Variants in ANK3 observed in about 807,000 individuals in gnomAD.
ANK3 encodes the protein ankyrin 3.
ANK3 carries 57 observed loss-of-function variants against 370.9 expected under a neutral mutation model. The observed-to-expected ratio is 0.15, with a 90% CI of 0.12 to 0.19. ANK3 has a LOEUF of 0.19. Among genes scored for constraint, ANK3 ranks in the 10% least tolerant of loss-of-function variants. The pLI is 1.00. For missense variants in ANK3, 4,439 were observed against 5,302.1 expected (o/e 0.84, Z 5.06); for synonymous variants, 1,929 against 1,946.3 (o/e 0.99, Z 0.23).
At chr10:60,450,846 C>T (rs2064582094) in intron 2 of ANK3, among the ~76,000 whole-genome samples, 1 of 152,194 alleles carries the variant, frequency 6.6e-6, no homozygotes, top group African/African-American at 2.4e-5. Flanking sequence ...CTCACTTTTT[C>T]CTAATACAGA....
intron 2 of ANK3, among the ~76,000 whole-genome samples, chr10:60,570,597 G>C (rs1190225414): frequency 6.6e-6 from 1 of 152,152 alleles, no homozygotes; most frequent in Non-Finnish European, 1.5e-5. Flanking sequence ...TGTGGGTACA[G>C]GTTAGACTGG....
At chr10:60,562,498 C>A (rs992649277) in intron 2 of ANK3, among the ~76,000 whole-genome samples, 1 of 152,172 alleles carries the variant, frequency 6.6e-6, no homozygotes, top group Non-Finnish European at 1.5e-5. Flanking sequence ...ACTGCAACCT[C>A]TGCCTTCCAG....
chr10:60,461,071 T>C (rs898633206), intron 2 of ANK3, among the ~76,000 whole-genome samples: 4 of 152,210 alleles, frequency 2.6e-5, no homozygotes, highest in African/African-American at 9.6e-5. Flanking sequence ...CATTTTCAAC[T>C]AAGCGTGAAT....
At chr10:60,382,029 G>A (rs1331710853) in intron 1 of ANK3, among the ~76,000 whole-genome samples, 1 of 152,034 alleles carries the variant, frequency 6.6e-6, no homozygotes, top group Non-Finnish European at 1.5e-5. Context: ...TTCTTTCACT[G>A]TATAGATGTC....
chr10:60,249,342 C>T (rs2097607667), intron 7 of ANK3, among the ~76,000 whole-genome samples: 2 of 152,270 alleles, frequency 1.3e-5, no homozygotes, highest in East Asian at 1.9e-4. Flanking sequence ...AAAAGTCCAT[C>T]CCCTTTTGTT....
intron 1 of ANK3, among the ~76,000 whole-genome samples, chr10:60,668,397 A>C (rs746791809): frequency 1.3e-5 from 2 of 151,512 alleles, no homozygotes; most frequent in Non-Finnish European, 2.9e-5. Flanking sequence ...ATAGTACTTA[A>C]GGGGCACAGC....
chr10:60,199,861 G>C (rs2096646289), intron 13 of ANK3, among the ~76,000 whole-genome samples: 1 of 152,290 alleles, frequency 6.6e-6, no homozygotes, highest in Admixed American at 6.5e-5. Context: ...TCTAGATTCA[G>C]TCCCCAATCT....
At chr10:60,478,015 A>G (rs2075117265) in intron 2 of ANK3, among the ~76,000 whole-genome samples, 1 of 152,070 alleles carries the variant, frequency 6.6e-6, no homozygotes, top group Non-Finnish European at 1.5e-5. Flanking sequence ...ATCATTACCC[A>G]CTAAGTGAGA....
chr10:60,051,785 ATGTGTGTGTG>A (rs5785428), intron 42 of ANK3, among the ~76,000 whole-genome samples: 3 of 148,270 alleles, frequency 2.0e-5, no homozygotes, highest in East Asian at 2.0e-4. Flanking sequence ...TACTCTGTGC[ATGTGTGTGTG>A]TGTGTGTGTG....
At chr10:60,460,533 C>T (rs1017120120) in intron 2 of ANK3, among the ~76,000 whole-genome samples, 1 of 152,040 alleles carries the variant, frequency 6.6e-6, no homozygotes, top group African/African-American at 2.4e-5. Flanking sequence ...GTTCTGAAGG[C>T]CCTGTTCTGA....
chr10:60,458,440 C>T (rs896658285), intron 2 of ANK3, among the ~76,000 whole-genome samples: 1 of 152,070 alleles, frequency 6.6e-6, no homozygotes, highest in African/African-American at 2.4e-5. Flanking sequence ...CCCCTCCAGA[C>T]CCCAAAGACA....
intron 1 of ANK3, among the ~76,000 whole-genome samples, chr10:60,361,773 A>G (rs559793878): frequency 1.3e-5 from 2 of 152,308 alleles, no homozygotes; most frequent in Admixed American, 6.5e-5. Flanking sequence ...TAGAAGAGAA[A>G]GGTCGTTAAT....
intron 23 of ANK3, among the ~76,000 whole-genome samples, chr10:60,153,324 G>A (rs1168213700): frequency 6.6e-6 from 1 of 152,186 alleles, no homozygotes; most frequent in African/African-American, 2.4e-5. Flanking sequence ...TCTGTAAGGA[G>A]GCTCCTGCAG....
chr10:60,050,402 T>C (rs150796950), intron 42 of ANK3, among the ~76,000 whole-genome samples: 3 of 152,228 alleles, frequency 2.0e-5, no homozygotes, highest in East Asian at 3.9e-4. Flanking sequence ...TTTGGTGGAG[T>C]TTCTTCATGA....
chr10:60,173,513 G>C (rs555834789), intron 18 of ANK3, among the ~76,000 whole-genome samples: 1 of 152,108 alleles, frequency 6.6e-6, no homozygotes, highest in African/African-American at 2.4e-5. Context: ...CTTCTTATTC[G>C]GGGTCAGAAG....
intron 37 of ANK3, 48 bp from the exon 38 acceptor site, chr10:60,068,057 A>G: frequency 6.4e-7 from 1 of 1,553,612 alleles, no homozygotes; most frequent in Non-Finnish European, 8.9e-7. Flanking sequence ...GAAAGATACG[A>G]TACTGGAAAA....
chr10:60,312,991 C>G (rs1425582288), intron 1 of ANK3, among the ~76,000 whole-genome samples: 1 of 152,178 alleles, frequency 6.6e-6, no homozygotes, highest in Non-Finnish European at 1.5e-5. Context: ...GAGGCCTCCC[C>G]AGTGTGCAAA....
At chr10:60,510,166 A>G (rs1014056063) in intron 2 of ANK3, among the ~76,000 whole-genome samples, 1 of 152,092 alleles carries the variant, frequency 6.6e-6, no homozygotes, top group African/African-American at 2.4e-5. Flanking sequence ...AATATTTGCA[A>G]TCATTAAGGT....
chr10:60,338,748 T>G (rs560655469), intron 1 of ANK3, among the ~76,000 whole-genome samples: 2 of 152,328 alleles, frequency 1.3e-5, no homozygotes, highest in East Asian at 3.9e-4. Context: ...AATCCCTAAT[T>G]CAGGCTTGCC....
Sources: allele counts gnomAD v4.1 joint callset (sites outside exome capture counted in the v4.1 genomes callset), GRCh38; gene constraint gnomAD v4.1.1; transcripts MANE v1.5; gene names NCBI Gene and HGNC (gene_info 2026-07-23, HGNC 2026-07-21).